PSPC1: variants seen among roughly 807,000 people sequenced by gnomAD.
PSPC1 encodes paraspeckle component 1.
In PSPC1, 14 loss-of-function variants were observed where a neutral mutation model predicts 51.6. The ratio of observed to expected loss-of-function variants is 0.27; its 90% CI spans 0.18 to 0.42. The LOEUF is 0.42. PSPC1 is among the 10% of genes least tolerant of loss of function. The pLI is 1.00. For synonymous variants in PSPC1, 193 were observed against 231.9 expected (o/e 0.83, Z 1.53); for missense variants, 406 against 701.1 (o/e 0.58, Z 4.75).
chr13:19,732,571 G>A (rs1884248879), intron 5 of PSPC1, among the ~76,000 whole-genome samples: 1 of 152,186 alleles, frequency 6.6e-6, no homozygotes, highest in South Asian at 2.1e-4. Context: ...CATAACAGGA[G>A]TTCAGATCAA....
intron 1 of PSPC1, among the ~76,000 whole-genome samples, chr13:19,781,002 C>G (rs1189552161): frequency 6.6e-6 from 1 of 151,884 alleles, no homozygotes; most frequent in South Asian, 2.1e-4. Flanking sequence ...ACAAAAAATA[C>G]AAAAATTAGG....
downstream of PSPC1, chr13:19,672,754 A>AT (rs1455140053): frequency 5.7e-6 from 1 of 173,944 alleles, no homozygotes; most frequent in African/African-American, 2.4e-5. Flanking sequence ...AGAATCTAAG[A>AT]TGTAGTAAGA....
chr13:19,695,228 T>TCA (rs1371455786), intron 6 of PSPC1, among the ~76,000 whole-genome samples: 1 of 152,246 alleles, frequency 6.6e-6, no homozygotes, highest in African/African-American at 2.4e-5. Context: ...AGGGAATATT[T>TCA]CATCCATTCA....
chr13:19,671,825 T>C (rs1876147305), downstream of PSPC1: 5 of 1,613,950 alleles, frequency 3.1e-6, no homozygotes, highest in African/African-American at 1.3e-5. Flanking sequence ...CGTTCTTTTC[T>C]TTCAACAGGT....
intron 1 of PSPC1, among the ~76,000 whole-genome samples, chr13:19,779,918 CG>C (rs1889721278): frequency 8.6e-6 from 1 of 116,246 alleles, no homozygotes; most frequent in Non-Finnish European, 1.8e-5. Context: ...GTGGGGGTGT[CG>C]GCCCCCCGCC....
At chr13:19,778,428 C>G (rs1490061119) in intron 1 of PSPC1, among the ~76,000 whole-genome samples, 1 of 127,788 alleles carries the variant, frequency 7.8e-6, no homozygotes, top group Non-Finnish European at 1.6e-5. Flanking sequence ...CCCTCTCATG[C>G]GGAGCCGAAG....
intron 6 of PSPC1, among the ~76,000 whole-genome samples, chr13:19,682,226 T>A (rs145726837): frequency 2.6e-3 from 397 of 152,334 alleles, no homozygotes; most frequent in Non-Finnish European, 4.3e-3. Context: ...AAAAGTTGTA[T>A]CTTTCAGCTG....
intron 8 of PSPC1, among the ~76,000 whole-genome samples, 185 bp from the exon 9 acceptor site, chr13:19,703,545 T>TA (rs138248473): frequency 2.3e-4 from 33 of 146,434 alleles, no homozygotes; most frequent in African/African-American, 6.6e-4. Flanking sequence ...ATGTTTTTTT[T>TA]AAAAAAATGC....
chr13:19,776,276 C>A (rs1005929969), intron 1 of PSPC1, among the ~76,000 whole-genome samples: 3 of 152,026 alleles, frequency 2.0e-5, no homozygotes, highest in Non-Finnish European at 1.5e-5. Context: ...GCCTGGGCAA[C>A]ATAATGAGAG....
intron 6 of PSPC1, among the ~76,000 whole-genome samples, chr13:19,679,728 G>A (rs781304153): frequency 2.0e-4 from 30 of 152,174 alleles, no homozygotes; most frequent in Non-Finnish European, 3.8e-4. Flanking sequence ...TGCAGATTTT[G>A]ATATTCATGG....
chr13:19,703,181 T>C lies in PSPC1; in HGVS notation c.1566A>G (p.Arg522=), dbSNP rs1400669113. Residue 522 remains arginine, a synonymous_variant, in exon 9 of 9, where the codon AGA becomes AGG. Coordinates refer to ENST00000338910, the MANE Select transcript of PSPC1 (RefSeq NM_001354909.2). ...GNFEGPNKRR[R]Y ...GCCAGGAATGAACGAATGTTTAATA[T>C]CTACGACGCTTATTAGGGCCTTCAA... 3.1e-6 allele frequency: 5 copies of C among 1,613,922 alleles called. No homozygotes were observed. Among genetic ancestry groups the C allele is most frequent in the Non-Finnish European group, 3.4e-6 (4 of 1,179,876 alleles).
intron 7 of PSPC1, 84 bp downstream of exon 7, chr13:19,709,458 T>A: frequency 1.9e-6 from 2 of 1,067,542 alleles, no homozygotes; most frequent in Non-Finnish European, 2.7e-6. Flanking sequence ...TTTAGTTTCT[T>A]ACTGATATGT....
chr13:19,746,066 T>C (rs1439300407), intron 4 of PSPC1, among the ~76,000 whole-genome samples: 1 of 146,162 alleles, frequency 6.8e-6, no homozygotes, highest in African/African-American at 2.5e-5. Flanking sequence ...AGTGCGGTGG[T>C]GCGATCTTGG....
intron 2 of PSPC1, among the ~76,000 whole-genome samples, chr13:19,765,349 T>A (rs1887969175): frequency 6.8e-6 from 1 of 147,540 alleles, no homozygotes; most frequent in African/African-American, 2.5e-5. Flanking sequence ...ATAATAATTA[T>A]TATTATTATT....
chr13:19,707,810 T>C (rs1467921837), intron 7 of PSPC1, among the ~76,000 whole-genome samples: 8 of 152,288 alleles, frequency 5.3e-5, no homozygotes, highest in South Asian at 4.1e-4. Flanking sequence ...GTTAATGTCA[T>C]TCTAATAATG....
At chr13:19,689,266 A>T (rs570903105) in intron 6 of PSPC1, among the ~76,000 whole-genome samples, 1 of 152,362 alleles carries the variant, frequency 6.6e-6, no homozygotes, top group African/African-American at 2.4e-5. Context: ...GAGTGAAGAC[A>T]AAAGCAAAAT....
intron 7 of PSPC1, among the ~76,000 whole-genome samples, chr13:19,708,660 T>C (rs1325086045): frequency 6.6e-6 from 1 of 152,224 alleles, no homozygotes; most frequent in Non-Finnish European, 1.5e-5. Flanking sequence ...CATAATTCCC[T>C]TGATGAGTTA....
intron 5 of PSPC1, among the ~76,000 whole-genome samples, chr13:19,736,293 C>A (rs977270034): frequency 2.0e-5 from 3 of 152,062 alleles, no homozygotes; most frequent in African/African-American, 4.8e-5. Flanking sequence ...CAAATTATCA[C>A]CTTATATTGA....
chr13:19,769,248 A>C (rs566234865), intron 2 of PSPC1, among the ~76,000 whole-genome samples: 1 of 150,312 alleles, frequency 6.7e-6, no homozygotes, highest in Non-Finnish European at 1.5e-5. Flanking sequence ...GACCACCCTC[A>C]CCAACACGTA....
Sources: gnomAD v4.1 joint callset for allele counts (sites outside exome capture counted in the v4.1 genomes callset) on GRCh38, gnomAD v4.1.1 for gene constraint, MANE v1.5 for transcripts, NCBI Gene and HGNC (gene_info 2026-07-23, HGNC 2026-07-21) for gene names.